GABRB3: variants seen among roughly 807,000 people sequenced by gnomAD.
The protein encoded by GABRB3 is gamma-aminobutyric acid type A receptor subunit beta3.
GABRB3 carries 14 observed loss-of-function variants against 52.1 expected under a neutral mutation model. That is an observed-to-expected ratio of 0.27 (90% confidence interval 0.18 to 0.42). The LOEUF is 0.42. GABRB3 is among the 10% of genes least tolerant of loss of function. GABRB3 has a pLI of 1.00. For synonymous variants in GABRB3, 260 were observed against 232.3 expected, an observed-to-expected ratio of 1.12 and a Z score of -1.08; for missense variants, 307 against 609.1, an observed-to-expected ratio of 0.50 and a Z score of 5.22.
At chr15:26,711,544 T>C (rs959293479) in intron 3 of GABRB3, among the ~76,000 whole-genome samples, 1 of 152,196 alleles carries the variant, frequency 6.6e-6, no homozygotes, top group Non-Finnish European at 1.5e-5. Flanking sequence ...TGATTTTGAC[T>C]GGCTCTTATC....
In GABRB3 at chr15:26,580,377, G is replaced by C; in HGVS notation, c.624C>G (p.Leu208=). The change falls in exon 6 of 9, where the codon CTC becomes CTG. Residue 208 remains leucine (L), a synonymous_variant. Transcript: ENST00000311550. ...GGTGCTCCACGATGGAGAACTGCGG[G>C]AGCTCAATCCTTTCCACTCCGGTAA... ...KAVTGVERIE[L]PQFSIVEHRL... 6.2e-7 allele frequency: 1 copy of C among 1,614,166 alleles called. No homozygotes were observed. Among genetic ancestry groups the C allele is most frequent in the Non-Finnish European group, 8.5e-7 (1 of 1,180,044 alleles).
At chr15:26,629,137 G>C (rs41301483) in intron 3 of GABRB3, 1 of 1,520,968 alleles carries the variant, frequency 6.6e-7, no homozygotes, top group South Asian at 1.2e-5. Flanking sequence ...GCTGAAGCTC[G>C]GGGAGGCGCA....
intron 3 of GABRB3, among the ~76,000 whole-genome samples, chr15:26,704,982 T>C (rs1358055976): frequency 6.6e-6 from 1 of 152,218 alleles, no homozygotes; most frequent in Non-Finnish European, 1.5e-5. Flanking sequence ...TCCCAAGCAC[T>C]AACCACTGCC....
At position 26,772,686 on chromosome 15, in the gene GABRB3, A is replaced by G. The variant is rs1891185887; in HGVS notation, c.167T>C (p.Phe56Ser). The change falls in exon 2 of 9, where the codon TTC becomes TCC. Residue 56 changes from phenylalanine (F) to serine (S), a missense_variant. Physicochemically the swap from Phe to Ser is radical, Grantham distance 155. Transcript: ENST00000311550. ...KGYDIRLRPD[F>S]GGPPVCVGMN... ...GCCGCGCGCAGCCCACTTACCCCCG[A>G]AGTCGGGTCTTAGGCGAATGTCGTA... The G allele has an allele frequency of 6.4e-7, 1 of 1,570,404 alleles. No individual in the cohort carries two copies.
chr15:26,581,642 G>A (rs1359355346), intron 5 of GABRB3, among the ~76,000 whole-genome samples: 1 of 152,160 alleles, frequency 6.6e-6, no homozygotes, highest in Admixed American at 6.5e-5. Flanking sequence ...TCAGACCAGC[G>A]TGCTCTGCCC....
intron 3 of GABRB3, among the ~76,000 whole-genome samples, chr15:26,717,892 G>C (rs982910947): frequency 6.6e-6 from 1 of 152,200 alleles, no homozygotes; most frequent in African/African-American, 2.4e-5. Context: ...GAGATCCCTT[G>C]ATCCTTGTAA....
At chr15:26,705,850 T>A (rs1420845708) in intron 3 of GABRB3, among the ~76,000 whole-genome samples, 1 of 152,020 alleles carries the variant, frequency 6.6e-6, no homozygotes. Flanking sequence ...ATATGTGCAG[T>A]TCATGGACAT....
At chr15:26,615,745 A>C in intron 4 of GABRB3, 2 of 1,109,508 alleles carry the variant, frequency 1.8e-6, no homozygotes, top group Non-Finnish European at 2.2e-6. Flanking sequence ...ATAACAAAAG[A>C]AGCGTAGAGG....
At position 26,615,289 on chromosome 15, in the gene GABRB3, A is replaced by G. The variant is rs546986137; in HGVS notation, c.461+6025T>C. The G allele has an allele frequency of 3.0e-5, 30 of 985,454 alleles. No homozygotes were observed. In the South Asian group the frequency reaches 1.2e-3, roughly 40 times the overall value. The allele number at this position is 985,454 out of a possible 1,614,324, so 61.0% of individuals were successfully genotyped here. ...AGTTCCTTAAATGGTTTGACTGTCC[A>G]AAGGAAATTGTCAAGGATTTATGTT... On this transcript the variant is annotated intron_variant, in intron 4 of 8. Coordinates refer to ENST00000311550, the MANE Select transcript of GABRB3 (RefSeq NM_000814.6).
At chr15:26,559,487 G>A (rs1380341545) in intron 8 of GABRB3, among the ~76,000 whole-genome samples, 1 of 146,438 alleles carries the variant, frequency 6.8e-6, no homozygotes, top group African/African-American at 2.5e-5. Flanking sequence ...TGGCCTAACA[G>A]TAAGTTTAAC....
intron 8 of GABRB3, among the ~76,000 whole-genome samples, chr15:26,549,793 G>A (rs1208727239): frequency 1.3e-5 from 2 of 152,072 alleles, no homozygotes; most frequent in Non-Finnish European, 2.9e-5. Flanking sequence ...CTCATTGCAA[G>A]ATCCAATCAG....
At chr15:26,710,355 A>G (rs887019216) in intron 3 of GABRB3, among the ~76,000 whole-genome samples, 1 of 152,094 alleles carries the variant, frequency 6.6e-6, no homozygotes, top group African/African-American at 2.4e-5. Flanking sequence ...TCCACCTCCC[A>G]GGTTCAAATG....
intron 3 of GABRB3, among the ~76,000 whole-genome samples, chr15:26,753,430 C>G (rs1890572005): frequency 6.6e-6 from 1 of 152,154 alleles, no homozygotes; most frequent in Non-Finnish European, 1.5e-5. Flanking sequence ...CACTATATTA[C>G]CAAAATTACT....
At chr15:26,562,327 C>A (rs1182332371) in intron 7 of GABRB3, among the ~76,000 whole-genome samples, 1 of 152,210 alleles carries the variant, frequency 6.6e-6, no homozygotes. Flanking sequence ...ACGTATGCCA[C>A]TGATGCCACT....
At chr15:26,560,907 G>A (rs1265523023) in intron 8 of GABRB3, 25 bp downstream of exon 8, 2 of 1,613,050 alleles carry the variant, frequency 1.2e-6, no homozygotes, top group Admixed American at 3.3e-5. Flanking sequence ...GGGACCAGGT[G>A]GGGTCAAGGT....
chr15:26,596,433 C>G (rs1891398559), intron 4 of GABRB3, among the ~76,000 whole-genome samples: 1 of 152,018 alleles, frequency 6.6e-6, no homozygotes, highest in Non-Finnish European at 1.5e-5. Context: ...AAGCAGAAAA[C>G]CTAGAGACCC....
chr15:26,545,735 C>T lies in GABRB3; in HGVS notation c.*2058G>A, dbSNP rs1889209597. The T allele has an allele frequency of 6.6e-6, 1 of 152,360 alleles. No individual in the cohort carries two copies. The highest frequency in any genetic ancestry group is 1.5e-5 in the Non-Finnish European group (1 of 67,998). The allele number at this position is 152,360 out of a possible 1,614,324, so 9.4% of individuals were successfully genotyped here. On this transcript the variant is annotated 3_prime_UTR_variant, in exon 9 of 9. Coordinates refer to ENST00000311550, the MANE Select transcript of GABRB3 (RefSeq NM_000814.6). The stretch of plus-strand genomic sequence containing the variant: ...CCAATCTGTTTAACTTTTAGGATCC[C>T]CCATTGTTACCCATGGAAAAAATGG...
intron 3 of GABRB3, among the ~76,000 whole-genome samples, chr15:26,771,565 C>G (rs1171091875): frequency 2.0e-5 from 3 of 152,240 alleles, no homozygotes; most frequent in African/African-American, 7.2e-5. Context: ...AATCCCACGG[C>G]GTTTCAGCTC....
chr15:26,608,102 CAA>C (rs60028329), intron 4 of GABRB3, among the ~76,000 whole-genome samples: 1,388 of 120,280 alleles, frequency 0.012, 11 homozygotes, highest in Middle Eastern at 0.018. Flanking sequence ...ATGGTACTGG[CAA>C]AAAAAAAAAA....
Sources: allele counts gnomAD v4.1 joint callset (sites outside exome capture counted in the v4.1 genomes callset), GRCh38; gene constraint gnomAD v4.1.1; transcripts MANE v1.5; gene names NCBI Gene and HGNC (gene_info 2026-07-23, HGNC 2026-07-21).